The following LSS variants were observed in gnomAD, a reference collection of about 807,000 sequenced individuals.
The protein encoded by LSS is 2,3-epoxysqualene-lanosterol cyclase.
A neutral mutation model predicts 110.3 loss-of-function variants in LSS; 90 were observed. The ratio of observed to expected loss-of-function variants is 0.82; its 90% CI spans 0.69 to 0.97. The LOEUF (loss-of-function observed/expected upper bound fraction) is 0.97, where lower values mean the gene tolerates loss of function less well. Ranked by LOEUF, LSS falls within the 50% of genes least tolerant of loss-of-function variation. LSS has a pLI of 0.00. For missense variants in LSS, 927 were observed against 990.0 expected (o/e 0.94, Z 0.85); for synonymous variants, 433 against 400.0 (o/e 1.08, Z -0.98).
At chr21:46,228,630 C>A (rs2080389532) in intron 1 of LSS, 31 bp from the exon 2 acceptor site, 2 of 1,592,770 alleles carry the variant, frequency 1.3e-6, no homozygotes, top group Non-Finnish European at 1.7e-6. Context: ...GCGACCCAGG[C>A]CCCGCCCCAA....
intron 6 of LSS, among the ~76,000 whole-genome samples, chr21:46,217,257 AG>A (rs202224522): frequency 0.1 from 6,945 of 67,088 alleles, 541 homozygotes; most frequent in South Asian, 0.16. Context: ...AAAAAAAAAA[AG>A]AAAAGAAAAA....
rs569872334 is a variant in LSS at position 46,210,318 on chromosome 21, G to A, written c.1194+370C>T. On this transcript the variant is annotated intron_variant, in intron 12 of 21. Coordinates refer to ENST00000397728, the MANE Select transcript of LSS (RefSeq NM_002340.6). ...CCTGACCTCGTGATCCACCCTCCTC[G>A]GCCTCCCAAAGTGCTGGGATTACAG... Among the ~76,000 whole-genome samples the A allele has an allele frequency of 1.8e-4, 28 of 151,924 alleles. No individual in the cohort carries two copies. In the South Asian group the frequency reaches 3.7e-3, roughly 20 times the overall value.
At chr21:46,207,848 C>T (rs1474930025) in intron 14 of LSS, among the ~76,000 whole-genome samples, 1 of 152,196 alleles carries the variant, frequency 6.6e-6, no homozygotes, top group Admixed American at 6.5e-5. Flanking sequence ...TGCCCCCCAC[C>T]CCCATTGTAA....
chr21:46,190,927 TAAG>T lies in LSS; in HGVS notation c.*174_*176del, dbSNP rs2079801520. On this transcript the variant is annotated 3_prime_UTR_variant, in exon 22 of 22. Transcript: ENST00000397728. The surrounding 1 kb of genome is among the most constrained non-coding windows in gnomAD (Gnocchi z 4.6). ...GAACCTACAGTAAAAATCAAGAGTC[TAAG>T]CCACCCACCCTGTCCCCATCCCTGC... 1.5e-6 allele frequency: 1 copy of T among 675,922 alleles called. No individual in the cohort carries two copies. Among genetic ancestry groups the T allele is most frequent in the African/African-American group, 2.3e-5 (1 of 42,810 alleles). 41.9% of individuals were successfully genotyped at this position (675,922 alleles called of 1,614,324 possible). A position where few individuals can be genotyped will look rare whatever the true frequency, so the allele number is the denominator to read the frequency against.
chr21:46,226,764 G>A (rs531262546), intron 3 of LSS, among the ~76,000 whole-genome samples: 1 of 152,260 alleles, frequency 6.6e-6, no homozygotes, highest in African/African-American at 2.4e-5. Flanking sequence ...ACAAAATCAG[G>A]ATAAAGGCAA....
At position 46,221,881 on chromosome 21, in the gene LSS, G is replaced by C; in HGVS notation, c.523C>G (p.Arg175Gly). 6.2e-7 allele frequency: 1 copy of C among 1,614,098 alleles called. No homozygotes were observed. Among genetic ancestry groups the C allele is most frequent in the Non-Finnish European group, 8.5e-7 (1 of 1,180,020 alleles). ...GVGPDDPDLV[R>G]ARNILHKKGG... ...TTCTTGTGAAGAATGTTCCGGGCTC[G>C]TACCAGGTCAGGATCGTCAGGCCCA... The change falls in exon 5 of 22, where the codon CGA (arginine) becomes GGA (glycine). Residue 175 changes from arginine to glycine, a missense_variant. By Grantham distance (125) the Arg-to-Gly change is moderately radical (BLOSUM62 -2). Coordinates refer to ENST00000397728, the MANE Select transcript of LSS (RefSeq NM_002340.6).
rs373749374 is a variant in LSS at position 46,206,650 on chromosome 21, G to A, written c.1564+22C>T. 73 of 1,598,252 alleles carry A rather than the reference G, an allele frequency of 4.6e-5. No individual in the cohort carries two copies. In the East Asian group the frequency reaches 7.1e-4, roughly 16 times the overall value. On this transcript the variant is annotated intron_variant, in intron 16 of 21. Transcript: ENST00000397728. Reference sequence around the variant, plus strand: ...CTAGCCAGCCCCGGGTTTGCGCGCCGCAGTGCTGGCCGACCACTCACCGAA... The same window carrying A: ...CTAGCCAGCCCCGGGTTTGCGCGCCACAGTGCTGGCCGACCACTCACCGAA...
At chr21:46,215,491 C>T (rs929978934) in intron 8 of LSS, among the ~76,000 whole-genome samples, 193 bp from the exon 9 acceptor site, 2 of 151,656 alleles carry the variant, frequency 1.3e-5, no homozygotes, top group Non-Finnish European at 2.9e-5. Flanking sequence ...CACCCTTGCA[C>T]AGGGTGGACT....
intron 17 of LSS, among the ~76,000 whole-genome samples, chr21:46,204,155 C>A (rs1480337541): frequency 6.6e-6 from 1 of 151,980 alleles, no homozygotes; most frequent in Admixed American, 6.6e-5. Flanking sequence ...ATTGGCCAGT[C>A]ATGGTGGTCA....
In LSS at chr21:46,209,669, G is replaced by T. The variant is rs146771295; in HGVS notation, c.1195-44C>A. 40 of 1,530,610 alleles carry T rather than the reference G, an allele frequency of 2.6e-5. No individual in the cohort carries two copies. Among genetic ancestry groups the T allele is most frequent in the Middle Eastern group, 1.7e-4 (1 of 5,926 alleles). 94.8% of individuals were successfully genotyped at this position (1,530,610 alleles called of 1,614,324 possible). A position where few individuals can be genotyped will look rare whatever the true frequency, so the allele number is the denominator to read the frequency against. Reference sequence around the variant, plus strand: ...CAGAGAGGCTCAGCTGCCCTTGCACGGCCAGCATGGCTGCGCTGGTTTCCC... The same window carrying T: ...CAGAGAGGCTCAGCTGCCCTTGCACTGCCAGCATGGCTGCGCTGGTTTCCC... On this transcript the variant is annotated intron_variant, in intron 12 of 21. Transcript: ENST00000397728. This position sits in a 1 kb window ranked among gnomAD's most constrained non-coding sequence, Gnocchi z 4.4.
chr21:46,227,411 A>T, intron 3 of LSS, 141 bp downstream of exon 3: 1 of 1,026,496 alleles, frequency 9.7e-7, no homozygotes, highest in Non-Finnish European at 1.4e-6. Flanking sequence ...CGACTCTGAC[A>T]TAGGGCAGAG....
At chr21:46,214,212 A>T (rs1417493837) in intron 9 of LSS, among the ~76,000 whole-genome samples, 1 of 152,256 alleles carries the variant, frequency 6.6e-6, no homozygotes, top group African/African-American at 2.4e-5. Flanking sequence ...AGAGATGCGA[A>T]GACAGGACTG....
chr21:46,197,297 A>G (rs930573627), intron 17 of LSS, among the ~76,000 whole-genome samples: 2 of 152,252 alleles, frequency 1.3e-5, no homozygotes, highest in African/African-American at 4.8e-5. Flanking sequence ...AATTAGAAAG[A>G]TTAACTTATC....
intron 8 of LSS, 100 bp from the exon 9 acceptor site, chr21:46,215,398 T>TAGGGGGGGCCCC: frequency 1.3e-6 from 1 of 763,036 alleles, no homozygotes; most frequent in Non-Finnish European, 2.1e-6. Flanking sequence ...TCCCAGGGTT[T>TAGGGGGGGCCCC]CCCCCTCCCA....
intron 21 of LSS, 124 bp downstream of exon 21, chr21:46,191,757 G>C: frequency 1.3e-6 from 1 of 770,376 alleles, no homozygotes; most frequent in Non-Finnish European, 2.2e-6. Flanking sequence ...TTCACTGGCA[G>C]AGGTGACGCC....
At chr21:46,226,739 C>T (rs570271510) in intron 3 of LSS, among the ~76,000 whole-genome samples, 1 of 152,312 alleles carries the variant, frequency 6.6e-6, no homozygotes, top group South Asian at 2.1e-4. Context: ...ATTGCAACTT[C>T]ATTTCAAGTC....
At chr21:46,224,085 C>T (rs929523600) in intron 3 of LSS, among the ~76,000 whole-genome samples, 10 of 152,238 alleles carry the variant, frequency 6.6e-5, no homozygotes, top group African/African-American at 1.9e-4. Context: ...CTTCATGTTC[C>T]ATCCTGTACA....
At chr21:46,199,569 T>A (rs1172673533) in intron 17 of LSS, among the ~76,000 whole-genome samples, 1 of 152,234 alleles carries the variant, frequency 6.6e-6, no homozygotes, top group East Asian at 1.9e-4. Context: ...GCAACTTTAT[T>A]CATAGTTGCC....
intron 11 of LSS, 118 bp downstream of exon 11, chr21:46,212,907 A>T: frequency 1.6e-6 from 2 of 1,238,146 alleles, no homozygotes; most frequent in Non-Finnish European, 2.3e-6. Flanking sequence ...CTCAGCCTCT[A>T]GTCGCACGCT....
Sources: gnomAD v4.1 joint callset for allele counts (sites outside exome capture counted in the v4.1 genomes callset) on GRCh38, gnomAD v4.1.1 for gene constraint, Gnocchi (gnomAD v3.1) non-coding constraint, MANE v1.5 for transcripts, NCBI Gene and HGNC (gene_info 2026-07-23, HGNC 2026-07-21) for gene names.